The following NBEA variants were observed in gnomAD, a reference collection of about 807,000 sequenced individuals.
NBEA encodes lysosomal-trafficking regulator 2.
NBEA carries 44 observed loss-of-function variants against 343.4 expected under a neutral mutation model. That is an observed-to-expected ratio of 0.13 (90% CI 0.10 to 0.16). NBEA has a LOEUF of 0.16. NBEA is among the 10% of genes least tolerant of loss of function. NBEA has a pLI of 1.00. For missense variants in NBEA, 2,555 were observed against 3,631.3 expected (o/e 0.70, Z 7.62); for synonymous variants, 1,175 against 1,238.7 (o/e 0.95, Z 1.08).
At chr13:35,518,661 T>C (rs945348908) in intron 41 of NBEA, among the ~76,000 whole-genome samples, 1 of 152,210 alleles carries the variant, frequency 6.6e-6, no homozygotes. Flanking sequence ...CCCTGCAGTT[T>C]TATAAAAGGA....
At chr13:35,000,613 C>CACACACAT (rs1555271794) in intron 1 of NBEA, among the ~76,000 whole-genome samples, 11 of 150,362 alleles carry the variant, frequency 7.3e-5, no homozygotes, top group African/African-American at 2.7e-4. Flanking sequence ...CACACACACA[C>CACACACAT]GTTTTAAAAG....
chr13:35,476,755 C>T, intron 41 of NBEA: 1 of 1,056,008 alleles, frequency 9.5e-7, no homozygotes. Context: ...GGCCAATCGC[C>T]ACTGGGCTCG....
intron 55 of NBEA, among the ~76,000 whole-genome samples, 179 bp downstream of exon 55, chr13:35,655,928 A>G (rs965176413): frequency 7.2e-5 from 11 of 152,310 alleles, no homozygotes; most frequent in African/African-American, 2.4e-4. Context: ...GATCAGTACT[A>G]TCACCTACAA....
chr13:35,387,687 G>A (rs1409028969), intron 38 of NBEA, among the ~76,000 whole-genome samples: 1 of 152,076 alleles, frequency 6.6e-6, no homozygotes, highest in Non-Finnish European at 1.5e-5. Flanking sequence ...AAGTTAGCCT[G>A]AAAAGGTATT....
At chr13:35,004,966 G>C (rs2061267400) in intron 1 of NBEA, among the ~76,000 whole-genome samples, 1 of 152,064 alleles carries the variant, frequency 6.6e-6, no homozygotes, top group Admixed American at 6.6e-5. Context: ...AATGTTTTAT[G>C]ATGACAGTAT....
intron 49 of NBEA, among the ~76,000 whole-genome samples, chr13:35,635,538 A>G (rs1421293800): frequency 1.3e-5 from 2 of 152,220 alleles, no homozygotes; most frequent in Non-Finnish European, 2.9e-5. Context: ...AAACCCCTAC[A>G]TTTTAATTAG....
chr13:35,325,872 T>C (rs1414394640), intron 36 of NBEA, among the ~76,000 whole-genome samples: 1 of 152,076 alleles, frequency 6.6e-6, no homozygotes, highest in Non-Finnish European at 1.5e-5. Context: ...CTTTCTCTAT[T>C]TGGCTAGGTA....
chr13:35,044,603 GGTGTGTGTGTGTGTGTGTGT>G lies in NBEA; in HGVS notation c.527-321_527-302del, dbSNP rs3045194. ...CCCTGCACACAGCAGGCTGTGTTGT[GGTGTGTGTGTGTGTGTGTGT>G]GTGTGTGTGTGTGTGTGTGTGTTCT... is the stretch of plus-strand genomic sequence containing the variant. On this transcript the variant is annotated intron_variant, in intron 2 of 58. Transcript: ENST00000379939. 1.1e-4 allele frequency among the ~76,000 whole-genome samples: 16 copies of G among 142,598 alleles called. No individual in the cohort carries two copies. The East Asian group carries it at 2.7e-3, about 24-fold the overall frequency. 93.5% of individuals were successfully genotyped at this position (142,598 alleles called of 152,430 possible).
At chr13:35,043,400 TA>T (rs1298009240) in intron 2 of NBEA, among the ~76,000 whole-genome samples, 2 of 151,906 alleles carry the variant, frequency 1.3e-5, no homozygotes, top group African/African-American at 4.8e-5. Flanking sequence ...GTATTTTATG[TA>T]AACCTTTAAG....
At chr13:35,229,743 C>T (rs1329288132) in intron 33 of NBEA, among the ~76,000 whole-genome samples, 8 of 151,990 alleles carry the variant, frequency 5.3e-5, no homozygotes, top group East Asian at 1.9e-4. Context: ...TATTTTCAGG[C>T]GATAAAGGAG....
intron 46 of NBEA, among the ~76,000 whole-genome samples, chr13:35,585,108 A>C (rs545859999): frequency 1.6e-4 from 18 of 109,522 alleles, no homozygotes; most frequent in African/African-American, 6.2e-4. Flanking sequence ...TAGGACATAA[A>C]TATATTTAAG....
At chr13:35,601,945 G>C (rs549418319) in intron 47 of NBEA, among the ~76,000 whole-genome samples, 1 of 152,098 alleles carries the variant, frequency 6.6e-6, no homozygotes, top group African/African-American at 2.4e-5. Context: ...TTACCTCAGT[G>C]TTCATGTCTA....
intron 49 of NBEA, among the ~76,000 whole-genome samples, chr13:35,640,947 A>C (rs2083917316): frequency 1.3e-5 from 2 of 152,148 alleles, no homozygotes; most frequent in Non-Finnish European, 2.9e-5. Context: ...AGAGAAAAAT[A>C]AATGCTAAGT....
At chr13:35,070,680 C>T (rs2063831989) in intron 9 of NBEA, 39 bp from the exon 10 acceptor site, 2 of 1,513,084 alleles carry the variant, frequency 1.3e-6, no homozygotes, top group South Asian at 2.5e-5. Flanking sequence ...TGAAATCATT[C>T]TATAGAAGTT....
Position 34,943,199 on chromosome 13 carries a change from C to T in NBEA, c.294+85C>T, listed in dbSNP as rs554011438. On this transcript the variant is annotated intron_variant, in intron 1 of 58. Transcript: ENST00000379939. ...GCCTTTCCCTCCCACCCTTCACCCC[C>T]AGGGTCACACGCGCCGCGCGTCCCT... 2.4e-5 allele frequency: 36 copies of T among 1,512,216 alleles called. No homozygotes were observed. In the African/African-American group the frequency reaches 4.0e-4, roughly 17 times the overall value. The allele number at this position is 1,512,216 out of a possible 1,614,324, so 93.7% of individuals were successfully genotyped here.
At chr13:35,596,106 A>ATG (rs918102056) in intron 47 of NBEA, among the ~76,000 whole-genome samples, 9 of 151,266 alleles carry the variant, frequency 5.9e-5, no homozygotes, top group African/African-American at 2.2e-4. Context: ...GTGTGTGTGC[A>ATG]TGTGTGTGTG....
At chr13:35,428,312 C>G (rs1170475083) in intron 38 of NBEA, among the ~76,000 whole-genome samples, 1 of 152,188 alleles carries the variant, frequency 6.6e-6, no homozygotes, top group Admixed American at 6.5e-5. Context: ...GACATTGTTT[C>G]AGCTCTGCCG....
chr13:35,651,330 A>G (rs1442220235), intron 52 of NBEA, among the ~76,000 whole-genome samples: 3 of 152,074 alleles, frequency 2.0e-5, no homozygotes, highest in African/African-American at 7.2e-5. Flanking sequence ...TGGGAGCCCC[A>G]GCTTCCTGTG....
At chr13:35,122,713 G>A (rs1259213802) in intron 16 of NBEA, among the ~76,000 whole-genome samples, 2 of 152,102 alleles carry the variant, frequency 1.3e-5, no homozygotes, top group Non-Finnish European at 2.9e-5. Flanking sequence ...AGAACTTAAA[G>A]TATATAAAAC....
Sources: allele counts gnomAD v4.1 joint callset (sites outside exome capture counted in the v4.1 genomes callset), GRCh38; gene constraint gnomAD v4.1.1; transcripts MANE v1.5; gene names NCBI Gene and HGNC (gene_info 2026-07-23, HGNC 2026-07-21).